The following ACOXL variants were observed in gnomAD, a reference collection of about 807,000 sequenced individuals.
The protein encoded by ACOXL is acyl-coenzyme A oxidase-like protein.
A neutral mutation model predicts 71.9 loss-of-function variants in ACOXL; 70 were observed. That is an observed-to-expected ratio of 0.97 (90% confidence interval 0.80 to 1.19). The LOEUF (loss-of-function observed/expected upper bound fraction) is 1.19. Ranked by LOEUF, ACOXL falls within the 50% of genes most tolerant of loss-of-function variation. ACOXL has a pLI of 0.00. For missense variants in ACOXL, 703 were observed against 736.3 expected, an observed-to-expected ratio of 0.95 and a Z score of 0.52; for synonymous variants, 253 against 281.6, an observed-to-expected ratio of 0.90 and a Z score of 1.02.
At chr2:110,744,745 G>T (rs1677984029) in intron 1 of ACOXL, among the ~76,000 whole-genome samples, 1 of 152,192 alleles carries the variant, frequency 6.6e-6, no homozygotes, top group Admixed American at 6.5e-5. Context: ...AAATAGGAGG[G>T]GAGGAGGTTT....
rs1373079337 is a variant in ACOXL, at chr2:110,933,517, G to A, written c.934G>A (p.Val312Ile). The A allele has an allele frequency of 1.7e-5, 28 of 1,614,062 alleles. No homozygotes were observed. The Admixed American group carries it at 2.8e-4, about 16-fold the overall frequency. The part of the protein sequence containing the change: ...RYAGALLDED[V>I]FQGKELVNSR... ...TGCTGGGGCCCTCCTGGATGAGGAT[G>A]TCTTCCAGGGAAAGGAGCTGGTCAA... The change falls in exon 12 of 18, where the codon GTC becomes ATC. Residue 312 changes from valine to isoleucine, a missense_variant. Val to Ile is a conservative substitution (Grantham distance 29). Transcript: ENST00000439055.
At chr2:111,079,889 C>A (rs998667193) in intron 16 of ACOXL, among the ~76,000 whole-genome samples, 4 of 137,486 alleles carry the variant, frequency 2.9e-5, no homozygotes, top group African/African-American at 8.4e-5. Context: ...AAAAAAAAAT[C>A]TTTGATTTCT....
At chr2:111,035,188 C>T (rs2065456237) in intron 15 of ACOXL, among the ~76,000 whole-genome samples, 1 of 152,026 alleles carries the variant, frequency 6.6e-6, no homozygotes, top group Non-Finnish European at 1.5e-5. Context: ...TTAATGTCAC[C>T]CCAGATGACA....
intron 11 of ACOXL, among the ~76,000 whole-genome samples, chr2:110,921,471 G>A (rs537115256): frequency 7.5e-6 from 1 of 133,708 alleles, no homozygotes; most frequent in East Asian, 2.3e-4. Flanking sequence ...CAGCTCACTT[G>A]CAAGCTCCAC....
At chr2:110,750,472 G>GT (rs1350649572) in intron 1 of ACOXL, among the ~76,000 whole-genome samples, 8 of 151,724 alleles carry the variant, frequency 5.3e-5, no homozygotes, top group Non-Finnish European at 1.2e-4. Flanking sequence ...TTTGAGAACG[G>GT]TATTTAGAAA....
intron 10 of ACOXL, among the ~76,000 whole-genome samples, chr2:110,881,451 A>G (rs1428038393): frequency 6.7e-6 from 1 of 150,118 alleles, no homozygotes; most frequent in Non-Finnish European, 1.5e-5. Flanking sequence ...CTTTGTAATC[A>G]TATATATATA....
chr2:111,037,932 C>T (rs7602030), intron 15 of ACOXL, among the ~76,000 whole-genome samples: 41,501 of 152,126 alleles, frequency 0.27, 5,908 homozygotes, highest in Middle Eastern at 0.34. Flanking sequence ...AAAGTTAGCA[C>T]GTACTGCTTC....
chr2:110,818,407 A>C (rs1175176156), intron 9 of ACOXL, among the ~76,000 whole-genome samples: 3 of 144,616 alleles, frequency 2.1e-5, no homozygotes, highest in Non-Finnish European at 4.5e-5. Context: ...AAAAAAAAAA[A>C]AACATATATA....
intron 11 of ACOXL, among the ~76,000 whole-genome samples, chr2:110,931,843 C>A (rs975810724): frequency 1.8e-4 from 27 of 152,256 alleles, no homozygotes; most frequent in African/African-American, 6.5e-4. Flanking sequence ...AATTGCATAA[C>A]CACTTTGGAA....
intron 17 of ACOXL, chr2:111,114,374 GAAA>G (rs2070197106): frequency 6.6e-6 from 1 of 152,208 alleles, no homozygotes; most frequent in Non-Finnish European, 1.5e-5. Context: ...CTAAACTCTG[GAAA>G]TCACACAGTG....
chr2:110,806,325 G>T (rs1447747945), intron 9 of ACOXL, among the ~76,000 whole-genome samples: 1 of 152,222 alleles, frequency 6.6e-6, no homozygotes, highest in Non-Finnish European at 1.5e-5. Context: ...CAGTTCCTGT[G>T]CTTGTTTTGT....
At chr2:110,844,469 C>T (rs10180551) in intron 10 of ACOXL, among the ~76,000 whole-genome samples, 39,665 of 151,790 alleles carry the variant, frequency 0.26, 5,476 homozygotes, top group East Asian at 0.3. Context: ...TTTTCTTCCC[C>T]TCGGCCACAG....
At chr2:111,053,082 C>T (rs1161351923) in intron 16 of ACOXL, among the ~76,000 whole-genome samples, 1 of 152,184 alleles carries the variant, frequency 6.6e-6, no homozygotes, top group African/African-American at 2.4e-5. Flanking sequence ...CTCTTTTAGC[C>T]TAACGTCCTC....
chr2:110,860,643 G>A, intron 10 of ACOXL, among the ~76,000 whole-genome samples: 1 of 152,312 alleles, frequency 6.6e-6, no homozygotes. Flanking sequence ...ATGAATCTTG[G>A]TGCAGAAGAT....
At chr2:110,733,533 T>A (rs559030648) in intron 1 of ACOXL, among the ~76,000 whole-genome samples, 55 of 152,276 alleles carry the variant, frequency 3.6e-4, no homozygotes, top group African/African-American at 1.3e-3. Context: ...TTTGGAGTTC[T>A]AGCTTAAGAA....
chr2:110,867,557 A>G (rs955365480), intron 10 of ACOXL, among the ~76,000 whole-genome samples: 17 of 152,148 alleles, frequency 1.1e-4, no homozygotes, highest in African/African-American at 3.6e-4. Flanking sequence ...TTTTTCTTGC[A>G]TGATGAATAA....
At chr2:110,860,146 T>A (rs1693767014) in intron 10 of ACOXL, among the ~76,000 whole-genome samples, 1 of 152,224 alleles carries the variant, frequency 6.6e-6, no homozygotes, top group Non-Finnish European at 1.5e-5. Flanking sequence ...AGTCTTGCTC[T>A]GTTGCCCAGG....
chr2:110,897,346 G>A (rs1280302139), intron 10 of ACOXL, among the ~76,000 whole-genome samples: 1 of 152,146 alleles, frequency 6.6e-6, no homozygotes, highest in Non-Finnish European at 1.5e-5. Context: ...AGTCCATTTT[G>A]TGCTGTTATA....
intron 9 of ACOXL, among the ~76,000 whole-genome samples, chr2:110,838,037 G>A (rs1415997571): frequency 6.6e-6 from 1 of 152,230 alleles, no homozygotes; most frequent in African/African-American, 2.4e-5. Flanking sequence ...TTTTGTCTAA[G>A]GGGCTCCATG....
Sources: gnomAD v4.1 joint callset for allele counts (sites outside exome capture counted in the v4.1 genomes callset) on GRCh38, gnomAD v4.1.1 for gene constraint, MANE v1.5 for transcripts, NCBI Gene and HGNC (gene_info 2026-07-23, HGNC 2026-07-21) for gene names.